Variants in FAAH2 observed in about 807,000 individuals in gnomAD.
FAAH2 encodes fatty-acid amide hydrolase 2.
FAAH2 carries 60 observed loss-of-function variants against 36.9 expected under a neutral mutation model. The observed-to-expected ratio is 1.63, with a 90% CI of 1.32 to 2.02. The LOEUF (loss-of-function observed/expected upper bound fraction) is 2.02. Ranked by LOEUF, FAAH2 falls within the 30% of genes most tolerant of loss-of-function variation. FAAH2 has a pLI of 0.00. For missense variants in FAAH2, 689 were observed against 397.5 expected (o/e 1.73, Z -6.23); for synonymous variants, 214 against 143.8 (o/e 1.49, Z -3.49).
At chrX:57,231,689 C>T in the FAAH2 span, among the ~76,000 whole-genome samples, 1 of 111,853 alleles carries the variant, frequency 8.9e-6, no homozygotes, top group Non-Finnish European at 1.9e-5. Flanking sequence ...CCTTAGATAA[C>T]ACAGCTAATA....
chrX:57,244,061 T>C, the FAAH2 span, among the ~76,000 whole-genome samples: 6 of 107,307 alleles, frequency 5.6e-5, no homozygotes, highest in Non-Finnish European at 7.7e-5. Flanking sequence ...AATGACCTGA[T>C]GGAGCTGAAA....
intron 8 of FAAH2, among the ~76,000 whole-genome samples, chrX:57,436,329 A>G (rs2056409469): frequency 9.1e-6 from 1 of 110,143 alleles, no homozygotes; most frequent in Non-Finnish European, 1.9e-5. Flanking sequence ...GAACAAACTA[A>G]ACCGAAAAGT....
intron 8 of FAAH2, among the ~76,000 whole-genome samples, chrX:57,442,215 A>G (rs1040993905): frequency 9.0e-6 from 1 of 110,899 alleles, no homozygotes; most frequent in African/African-American, 3.3e-5. Flanking sequence ...GGGGTGTTAA[A>G]GTCTCCCATT....
intron 7 of FAAH2, chrX:57,392,885 C>T: frequency 2.4e-6 from 2 of 820,978 alleles, no homozygotes; most frequent in Middle Eastern, 2.8e-4. Context: ...CAAAGCCCTG[C>T]TTTGTGTAGA....
intron 10 of FAAH2, among the ~76,000 whole-genome samples, chrX:57,466,148 C>CTATATA (rs1346302535): frequency 1.0e-4 from 8 of 78,523 alleles, no homozygotes; most frequent in African/African-American, 4.0e-4. Context: ...CTCTCTCTCT[C>CTATATA]TCTCTCTCTA....
the FAAH2 span, among the ~76,000 whole-genome samples, chrX:57,238,539 CAT>C: frequency 6.3e-5 from 7 of 111,399 alleles, no homozygotes; most frequent in Admixed American, 1.9e-4. Context: ...CTAGACTTAA[CAT>C]GTGGGTGATG....
chrX:57,381,551 T>A, intron 7 of FAAH2: 3 of 687,505 alleles, frequency 4.4e-6, no homozygotes, highest in Non-Finnish European at 1.7e-6. Context: ...TAATACAGCT[T>A]ATTACGTGGA....
At chrX:57,173,564 A>T in the FAAH2 span, among the ~76,000 whole-genome samples, 1 of 111,803 alleles carries the variant, frequency 8.9e-6, no homozygotes, top group East Asian at 2.8e-4. Flanking sequence ...GATGCCCTTT[A>T]TTTCTTTCTC....
chrX:57,257,266 A>T, the FAAH2 span, among the ~76,000 whole-genome samples: 6 of 112,406 alleles, frequency 5.3e-5, no homozygotes, highest in East Asian at 1.7e-3. Flanking sequence ...GGTACTATTC[A>T]GAAGAGCAAA....
chrX:57,217,901 A>T, the FAAH2 span, among the ~76,000 whole-genome samples: 2 of 111,600 alleles, frequency 1.8e-5, no homozygotes, highest in Non-Finnish European at 3.8e-5. Context: ...TATTGATTCT[A>T]CCCATTTATG....
chrX:57,441,261 T>G (rs944093334), intron 8 of FAAH2, among the ~76,000 whole-genome samples: 1 of 111,342 alleles, frequency 9.0e-6, no homozygotes, highest in African/African-American at 3.3e-5. Flanking sequence ...GTAGGCTAAT[T>G]ATTGCATCAA....
At chrX:57,255,732 A>G in the FAAH2 span, among the ~76,000 whole-genome samples, 1 of 112,125 alleles carries the variant, frequency 8.9e-6, no homozygotes, top group African/African-American at 3.2e-5. Context: ...AACGCCTTTC[A>G]TGCTAACAAC....
At chrX:57,124,385 C>T in the FAAH2 span, among the ~76,000 whole-genome samples, 5 of 111,651 alleles carry the variant, frequency 4.5e-5, no homozygotes, top group Non-Finnish European at 9.4e-5. Flanking sequence ...GTACCAGTAC[C>T]ATGCTGTTTT....
intron 10 of FAAH2, among the ~76,000 whole-genome samples, chrX:57,461,083 T>A (rs2056949562): frequency 9.1e-6 from 1 of 109,893 alleles, no homozygotes; most frequent in Non-Finnish European, 1.9e-5. Flanking sequence ...AAATGATCAA[T>A]GTAAAAAGAA....
intron 2 of FAAH2, among the ~76,000 whole-genome samples, chrX:57,299,758 T>A (rs2052281473): frequency 8.9e-6 from 1 of 111,794 alleles, no homozygotes; most frequent in Non-Finnish European, 1.9e-5. Flanking sequence ...TTCAGCAAAG[T>A]CTCAGGATAC....
chrX:57,486,506 G>A (rs1452409563), intron 10 of FAAH2, among the ~76,000 whole-genome samples: 2 of 111,606 alleles, frequency 1.8e-5, no homozygotes, highest in African/African-American at 3.3e-5. Context: ...CTATCATTTG[G>A]CACCTTCATT....
intron 2 of FAAH2, among the ~76,000 whole-genome samples, chrX:57,292,891 A>G (rs1050294792): frequency 1.8e-5 from 2 of 111,732 alleles, no homozygotes; most frequent in Non-Finnish European, 3.8e-5. Context: ...TACTGAATAG[A>G]TTAATATTTG....
At chrX:57,364,962 A>G (rs1199191908) in intron 5 of FAAH2, among the ~76,000 whole-genome samples, 3 of 111,693 alleles carry the variant, frequency 2.7e-5, no homozygotes, top group African/African-American at 9.8e-5. Context: ...GATGTGTTTT[A>G]TGGTGGAGCA....
chrX:57,292,420 G>A lies in FAAH2; in HGVS notation c.193-78G>A, dbSNP rs775540449. On this transcript the variant is annotated intron_variant, in intron 1 of 10. Coordinates refer to ENST00000374900, the MANE Select transcript of FAAH2 (RefSeq NM_174912.4). Reference sequence around the variant, plus strand: ...TCTCAAAAAATGATTAATGTACATAGGAGTCTTTCAGGAAATACTTGTTGA... The same window carrying A: ...TCTCAAAAAATGATTAATGTACATAAGAGTCTTTCAGGAAATACTTGTTGA... The A allele has an allele frequency of 2.4e-4, 212 of 894,292 alleles. 2 individuals are homozygous for A. In the South Asian group the frequency reaches 4.6e-3, roughly 19 times the overall value. 73.7% of individuals were successfully genotyped at this position (894,292 alleles called of 1,213,427 possible).
Sources: allele counts gnomAD v4.1 joint callset (sites outside exome capture counted in the v4.1 genomes callset), GRCh38; gene constraint gnomAD v4.1.1; transcripts MANE v1.5; gene names NCBI Gene and HGNC (gene_info 2026-07-23, HGNC 2026-07-21).